The following GHR variants were observed in gnomAD, a reference collection of about 807,000 sequenced individuals.
GHR encodes growth hormone receptor, also known as GH receptor.
Under a neutral mutation model 67.1 loss-of-function variants are expected in GHR, and 35 were observed. The observed-to-expected ratio is 0.52, with a 90% CI of 0.40 to 0.69. The LOEUF is 0.69. GHR is among the 30% of genes least tolerant of loss of function. GHR has a pLI of 0.00. For synonymous variants in GHR, 272 were observed against 269.1 expected (o/e 1.01, Z -0.10); for missense variants, 792 against 764.6 (o/e 1.04, Z -0.42).
At chr5:42,548,310 T>C in intron 1 of GHR, 1 of 985,248 alleles carries the variant, frequency 1.0e-6, no homozygotes, top group Non-Finnish European at 1.2e-6. Context: ...AGACCAAGAA[T>C]TTAGAGATTA....
At chr5:42,626,120 C>T (rs1753689462) in intron 2 of GHR, among the ~76,000 whole-genome samples, 1 of 152,124 alleles carries the variant, frequency 6.6e-6, no homozygotes, top group Admixed American at 6.5e-5. Context: ...TCTCTCCCCA[C>T]ACAAATTCTC....
At chr5:42,710,205 C>T (rs904680257) in intron 6 of GHR, among the ~76,000 whole-genome samples, 1 of 151,984 alleles carries the variant, frequency 6.6e-6, no homozygotes, top group Non-Finnish European at 1.5e-5. Context: ...AAAAAAGATA[C>T]TTTGTGAGTA....
At chr5:42,512,039 A>T (rs1027710446) in intron 1 of GHR, among the ~76,000 whole-genome samples, 1 of 152,114 alleles carries the variant, frequency 6.6e-6, no homozygotes, top group African/African-American at 2.4e-5. Context: ...TTAATATTTG[A>T]TGGAAATTTG....
chr5:42,695,277 A>G (rs531592740), intron 5 of GHR, among the ~76,000 whole-genome samples, 188 bp downstream of exon 5: 1 of 152,322 alleles, frequency 6.6e-6, no homozygotes, highest in South Asian at 2.1e-4. Flanking sequence ...ACTTAAGTTG[A>G]CTTTAACATA....
At chr5:42,578,081 T>A (rs1362131895) in intron 2 of GHR, among the ~76,000 whole-genome samples, 1 of 152,180 alleles carries the variant, frequency 6.6e-6, no homozygotes, top group African/African-American at 2.4e-5. Flanking sequence ...TTAGGTTAAT[T>A]TATCTATGGT....
chr5:42,430,878 A>G (rs962800574), intron 1 of GHR, among the ~76,000 whole-genome samples: 2 of 152,154 alleles, frequency 1.3e-5, no homozygotes, highest in East Asian at 1.9e-4. Context: ...TTACTTTGCT[A>G]TAAGAAACGT....
intron 1 of GHR, among the ~76,000 whole-genome samples, chr5:42,520,991 T>C (rs1045554802): frequency 1.1e-4 from 16 of 152,306 alleles, no homozygotes; most frequent in African/African-American, 3.8e-4. Flanking sequence ...TTTCACTGTT[T>C]TTCTTTAAAC....
At chr5:42,561,162 C>T (rs1749586575) in intron 1 of GHR, among the ~76,000 whole-genome samples, 1 of 152,204 alleles carries the variant, frequency 6.6e-6, no homozygotes, top group African/African-American at 2.4e-5. Flanking sequence ...CACAGTTTCT[C>T]TCCCTTTTCC....
chr5:42,662,883 A>G (rs529011590), intron 3 of GHR, among the ~76,000 whole-genome samples: 5 of 152,212 alleles, frequency 3.3e-5, no homozygotes, highest in African/African-American at 1.2e-4. Flanking sequence ...AAGAAAAGAG[A>G]GTAGAAAAAT....
intron 1 of GHR, among the ~76,000 whole-genome samples, chr5:42,428,368 A>G (rs2111876261): frequency 6.6e-6 from 1 of 152,302 alleles, no homozygotes; most frequent in Admixed American, 6.5e-5. Context: ...TAGCAGGCCC[A>G]GAAAACCATT....
rs141033720 is a variant in GHR, at chr5:42,673,038, G to A, written c.137-15852G>A. ...TTCCAACCAAGATCTAATATCTGGC[G>A]TCTGTTAGGAACTTAAACAATTGAG... is the stretch of plus-strand genomic sequence containing the variant. On this transcript the variant is annotated intron_variant, in intron 3 of 9. Coordinates refer to ENST00000230882, the MANE Select transcript of GHR (RefSeq NM_000163.5). Among the ~76,000 whole-genome samples the A allele has an allele frequency of 1.3e-3, 193 of 152,120 alleles. 5 individuals carry two copies. Among genetic ancestry groups the A allele is most frequent in the Admixed American group, 3.1e-3 (47 of 15,282 alleles).
At chr5:42,689,380 G>A (rs1173592430) in intron 4 of GHR, among the ~76,000 whole-genome samples, 1 of 152,218 alleles carries the variant, frequency 6.6e-6, no homozygotes, top group Admixed American at 6.5e-5. Context: ...GTTTGTGTAT[G>A]TGCATGAGAA....
intron 3 of GHR, among the ~76,000 whole-genome samples, chr5:42,667,143 C>G (rs1028248931): frequency 6.6e-6 from 1 of 152,104 alleles, no homozygotes; most frequent in Non-Finnish European, 1.5e-5. Flanking sequence ...CTTTAGAACC[C>G]CTGTAACACA....
intron 1 of GHR, among the ~76,000 whole-genome samples, chr5:42,556,947 G>T (rs533838682): frequency 2.6e-5 from 4 of 152,294 alleles, no homozygotes; most frequent in African/African-American, 9.6e-5. Context: ...TCAGGTTCTT[G>T]TAACTCAGTT....
chr5:42,644,241 A>G (rs1044308796), intron 3 of GHR, among the ~76,000 whole-genome samples: 4 of 152,196 alleles, frequency 2.6e-5, no homozygotes, highest in Non-Finnish European at 5.9e-5. Flanking sequence ...AATCTTGATA[A>G]TTGTTGAAAA....
intron 5 of GHR, 54 bp downstream of exon 5, chr5:42,695,143 G>A: frequency 8.0e-7 from 1 of 1,244,500 alleles, no homozygotes; most frequent in Non-Finnish European, 1.2e-6. Flanking sequence ...AATAAATGGG[G>A]AAGCCTGCAA....
chr5:42,460,219 G>C (rs996256848), intron 1 of GHR, among the ~76,000 whole-genome samples: 1 of 152,106 alleles, frequency 6.6e-6, no homozygotes, highest in South Asian at 2.1e-4. Context: ...TGGACTTCCC[G>C]ACCTCCAGAA....
At chr5:42,437,529 A>ATT (rs1743380094) in intron 1 of GHR, among the ~76,000 whole-genome samples, 4 of 147,946 alleles carry the variant, frequency 2.7e-5, no homozygotes, top group African/African-American at 1.0e-4. Flanking sequence ...TATTATTTTT[A>ATT]TATTTATTTA....
chr5:42,512,836 T>C (rs1747077431), intron 1 of GHR, among the ~76,000 whole-genome samples: 1 of 151,518 alleles, frequency 6.6e-6, no homozygotes, highest in African/African-American at 2.4e-5. Flanking sequence ...AAAGCTTTGA[T>C]CCATTCTCTT....
Sources: gnomAD v4.1 joint callset for allele counts (sites outside exome capture counted in the v4.1 genomes callset) on GRCh38, gnomAD v4.1.1 for gene constraint, MANE v1.5 for transcripts, NCBI Gene and HGNC (gene_info 2026-07-23, HGNC 2026-07-21) for gene names.